The following SCUBE3 variants were observed in gnomAD, a reference collection of about 807,000 sequenced individuals.
SCUBE3 encodes the protein signal peptide, CUB and EGF-like domain-containing protein 3.
SCUBE3 carries 33 observed loss-of-function variants against 116.8 expected under a neutral mutation model. The ratio of observed to expected loss-of-function variants is 0.28; its 90% confidence interval spans 0.21 to 0.38. SCUBE3 has a LOEUF of 0.38. Among genes scored for constraint, SCUBE3 ranks in the 10% least tolerant of loss-of-function variants. SCUBE3 has a pLI of 1.00. For synonymous variants in SCUBE3, 418 were observed against 496.9 expected, an observed-to-expected ratio of 0.84 and a Z score of 2.11; for missense variants, 1,007 against 1,324.8, an observed-to-expected ratio of 0.76 and a Z score of 3.72.
rs946646696 is a variant in SCUBE3, at chr6:35,214,932, C to T, written c.85+429C>T. On this transcript the variant is annotated intron_variant, in intron 1 of 21. Coordinates refer to ENST00000274938, the MANE Select transcript of SCUBE3 (RefSeq NM_152753.4). This position sits in a 1 kb window ranked among gnomAD's most constrained non-coding sequence, Gnocchi z 6.3. ...CCGTGCCGTATATTTCTTTCCCTTACCCCCAACCCGCATGCAAAGTTAGAC... is the reference window on the plus strand; with the variant it reads ...CCGTGCCGTATATTTCTTTCCCTTATCCCCAACCCGCATGCAAAGTTAGAC... Among the ~76,000 whole-genome samples the T allele has an allele frequency of 1.2e-4, 19 of 152,190 alleles. No homozygotes were observed. The highest frequency in any genetic ancestry group is 7.3e-5 in the Non-Finnish European group (5 of 68,044).
rs377686036 is a variant in SCUBE3 at position 35,243,172 on chromosome 6, C to T, written c.1845C>T (p.Ala615=). 93 of 1,614,204 alleles carry T rather than the reference C, an allele frequency of 5.8e-5. 1 individual carries two copies. The highest frequency in any genetic ancestry group is 1.1e-4 in the East Asian group (5 of 44,878). The part of the protein sequence containing the change: ...YELAHKPGLV[A]GERAEPMESC... ...TGGCCCACAAGCCGGGCCTGGTAGC[C>T]GGGGAGCGAGCAGAGCCGATGGAGT... The change falls in exon 15 of 22, where the codon GCC becomes GCT. Residue 615 remains alanine, a synonymous_variant. Coordinates refer to ENST00000274938, the MANE Select transcript of SCUBE3 (RefSeq NM_152753.4). This position sits in a 1 kb window ranked among gnomAD's most constrained non-coding sequence, Gnocchi z 6.6.
chr6:35,248,621 A>G lies in SCUBE3; in HGVS notation c.2898A>G (p.Thr966=), dbSNP rs780650686. 6.2e-7 allele frequency: 1 copy of G among 1,614,036 alleles called. No homozygotes were observed. Among genetic ancestry groups the G allele is most frequent in the Non-Finnish European group, 8.5e-7 (1 of 1,179,950 alleles). ...LAHPQNYFKY[T]EKHKEMLPKS... ...ACCCCCAGAACTACTTCAAGTACAC[A>G]GAGAAACACAAGGAGATGCTGCCAA... is the stretch of plus-strand genomic sequence containing the variant. Residue 966 remains threonine (T), a synonymous_variant, in exon 22 of 22, where the codon ACA becomes ACG. Coordinates refer to ENST00000274938, the MANE Select transcript of SCUBE3 (RefSeq NM_152753.4).
rs1421010409 is a variant in SCUBE3 at position 35,231,712 on chromosome 6, C to G, written c.335-13C>G. 13 of 1,595,894 alleles carry G rather than the reference C, an allele frequency of 8.1e-6. No individual in the cohort carries two copies. Among genetic ancestry groups the G allele is most frequent in the Non-Finnish European group, 1.1e-5 (13 of 1,166,006 alleles). On this transcript the variant is annotated splice_polypyrimidine_tract_variant and intron_variant, in intron 3 of 21. Transcript: ENST00000274938. This position sits in a 1 kb window ranked among gnomAD's most constrained non-coding sequence, Gnocchi z 4.2. ...TGTACCCCATGACCCCACTGACTAC[C>G]TATCCTGCACAGATGTGGACGAGTG...
In SCUBE3 at chr6:35,241,457, A is replaced by G. The variant is rs1784044188; in HGVS notation, c.1196-86A>G. ...CATCAGTCTCCATGGGTACAACAAT[A>G]GTTATGCAAGTAGCTGATTCCTCCA... On this transcript the variant is annotated intron_variant, in intron 10 of 21. Transcript: ENST00000274938. This position sits in a 1 kb window ranked among gnomAD's most constrained non-coding sequence, Gnocchi z 4.1. 1 of 1,136,832 alleles carries G rather than the reference A, an allele frequency of 8.8e-7. No homozygotes were observed. Among genetic ancestry groups the G allele is most frequent in the Non-Finnish European group, 1.3e-6 (1 of 748,992 alleles). The allele number at this position is 1,136,832 out of a possible 1,614,324, so 70.4% of individuals were successfully genotyped here. A position where few individuals can be genotyped will look rare whatever the true frequency, so the allele number is the denominator to read the frequency against.
Position 35,226,085 on chromosome 6 carries a change from C to T in SCUBE3, c.86-1495C>T, listed in dbSNP as rs923930440. On this transcript the variant is annotated intron_variant, in intron 1 of 21. Transcript: ENST00000274938. ...AATCTCTTTCTCCTCTGATCTGCCC[C>T]GTAACACAGGTTCTCAACCTTGACT... Among the ~76,000 whole-genome samples the T allele has an allele frequency of 1.3e-4, 20 of 152,128 alleles. No homozygotes were observed. The East Asian group carries it at 3.7e-3, about 28-fold the overall frequency.
Position 35,244,148 on chromosome 6 carries a change from C to T in SCUBE3, c.2239+18C>T. Reference sequence around the variant, plus strand: ...CACCAAAGGTGAGTAAGCTACTCACCTCCCTGGGGGATGCCCCAACCCCAA... The same window carrying T: ...CACCAAAGGTGAGTAAGCTACTCACTTCCCTGGGGGATGCCCCAACCCCAA... On this transcript the variant is annotated intron_variant, in intron 17 of 21. Coordinates refer to ENST00000274938, the MANE Select transcript of SCUBE3 (RefSeq NM_152753.4). This position sits in a 1 kb window ranked among gnomAD's most constrained non-coding sequence, Gnocchi z 4.3. 1 of 1,606,690 alleles carries T rather than the reference C, an allele frequency of 6.2e-7. No individual in the cohort carries two copies. Among genetic ancestry groups the T allele is most frequent in the Non-Finnish European group, 8.5e-7 (1 of 1,175,402 alleles).
chr6:35,231,714 A>C lies in SCUBE3; in HGVS notation c.335-11A>C. On this transcript the variant is annotated splice_polypyrimidine_tract_variant and intron_variant, in intron 3 of 21. Transcript: ENST00000274938. This position sits in a 1 kb window ranked among gnomAD's most constrained non-coding sequence, Gnocchi z 4.2. ...TACCCCATGACCCCACTGACTACCT[A>C]TCCTGCACAGATGTGGACGAGTGTG... The C allele has an allele frequency of 6.2e-7, 1 of 1,606,350 alleles. No homozygotes were observed. The highest frequency in any genetic ancestry group is 1.3e-5 in the African/African-American group (1 of 74,874).
At chr6:35,237,422 C>T (rs1046934179) in intron 6 of SCUBE3, among the ~76,000 whole-genome samples, 27 of 152,148 alleles carry the variant, frequency 1.8e-4, no homozygotes, top group Non-Finnish European at 2.2e-4. Context: ...AGGAATGGCC[C>T]GGCTCATTCT....
chr6:35,230,568 G>A (rs1039977947), intron 3 of SCUBE3, among the ~76,000 whole-genome samples: 9 of 152,184 alleles, frequency 5.9e-5, no homozygotes, highest in African/African-American at 1.9e-4. Context: ...GCAGACAGAA[G>A]GATGGCATGT....
intron 6 of SCUBE3, among the ~76,000 whole-genome samples, chr6:35,236,053 T>A (rs1355737468): frequency 6.6e-6 from 1 of 152,214 alleles, no homozygotes; most frequent in Non-Finnish European, 1.5e-5. Flanking sequence ...CTGTATGACC[T>A]TAGGCAAGCT....
chr6:35,240,916 G>A lies in SCUBE3; in HGVS notation c.1070-225G>A, dbSNP rs1244374144. ...AATGCCTTTTTAACTTTTTTAAATTGTAAGAATATTTAACAAGAGATCTAC... is the reference window on the plus strand; with the variant it reads ...AATGCCTTTTTAACTTTTTTAAATTATAAGAATATTTAACAAGAGATCTAC... On this transcript the variant is annotated intron_variant, in intron 9 of 21. Transcript: ENST00000274938. This position sits in a 1 kb window ranked among gnomAD's most constrained non-coding sequence, Gnocchi z 4.6. 6.7e-6 allele frequency among the ~76,000 whole-genome samples: 1 copy of A among 149,968 alleles called. No homozygotes were observed. The highest frequency in any genetic ancestry group is 2.0e-4 in the East Asian group (1 of 5,052).
chr6:35,216,384 C>T (rs1300928645), intron 1 of SCUBE3, among the ~76,000 whole-genome samples: 5 of 152,222 alleles, frequency 3.3e-5, no homozygotes, highest in African/African-American at 1.2e-4. Context: ...CACAGGCCAC[C>T]CTTCCTGTGA....
Position 35,241,463 on chromosome 6 carries a change from G to A in SCUBE3, c.1196-80G>A, listed in dbSNP as rs1784044971. ...TCTCCATGGGTACAACAATAGTTAT[G>A]CAAGTAGCTGATTCCTCCAAATTAC... On this transcript the variant is annotated intron_variant, in intron 10 of 21. Transcript: ENST00000274938. The surrounding 1 kb of genome is among the most constrained non-coding windows in gnomAD (Gnocchi z 4.1). The A allele has an allele frequency of 8.7e-7, 1 of 1,155,816 alleles. No individual in the cohort carries two copies. The highest frequency in any genetic ancestry group is 1.7e-5 in the Admixed American group (1 of 58,890). 71.6% of individuals were successfully genotyped at this position (1,155,816 alleles called of 1,614,324 possible).
At chr6:35,222,561 T>C (rs1353811433) in intron 1 of SCUBE3, 1 of 152,274 alleles carries the variant, frequency 6.6e-6, no homozygotes, top group African/African-American at 2.4e-5. Flanking sequence ...TTGGCTTGTC[T>C]ATGGTATCTG....
intron 12 of SCUBE3, 131 bp from the exon 13 acceptor site, chr6:35,242,073 C>A: frequency 1.2e-6 from 1 of 846,184 alleles, no homozygotes; most frequent in Non-Finnish European, 2.0e-6. Context: ...AACATCTGAT[C>A]CCCTTGACTT....
chr6:35,217,641 C>G (rs1306269336), intron 1 of SCUBE3, among the ~76,000 whole-genome samples: 1 of 151,980 alleles, frequency 6.6e-6, no homozygotes, highest in Non-Finnish European at 1.5e-5. Context: ...GCTCCTGTGG[C>G]CAGCTCTTAC....
At chr6:35,246,872 A>G (rs2150317023) in intron 21 of SCUBE3, among the ~76,000 whole-genome samples, 1 of 151,998 alleles carries the variant, frequency 6.6e-6, no homozygotes, top group East Asian at 1.9e-4. Flanking sequence ...CCAGCTACTC[A>G]GGAGGCTGAG....
In SCUBE3 at chr6:35,231,702, C is replaced by T; in HGVS notation, c.335-23C>T. The stretch of plus-strand genomic sequence containing the variant: ...GGACCCTGCCTGTACCCCATGACCC[C>T]ACTGACTACCTATCCTGCACAGATG... On this transcript the variant is annotated intron_variant, in intron 3 of 21. Transcript: ENST00000274938. This position sits in a 1 kb window ranked among gnomAD's most constrained non-coding sequence, Gnocchi z 4.2. 1 of 1,588,508 alleles carries T rather than the reference C, an allele frequency of 6.3e-7. No individual in the cohort carries two copies. The highest frequency in any genetic ancestry group is 8.6e-7 in the Non-Finnish European group (1 of 1,160,426).
Position 35,241,031 on chromosome 6 carries a change from G to A in SCUBE3, c.1070-110G>A, listed in dbSNP as rs542180841. ...GATCTCTCGAACTTATTCATCTTGC[G>A]TAATGCAGGGTACCTGAAACTCTAA... is the stretch of plus-strand genomic sequence containing the variant. On this transcript the variant is annotated intron_variant, in intron 9 of 21. Transcript: ENST00000274938. The surrounding 1 kb of genome is among the most constrained non-coding windows in gnomAD (Gnocchi z 4.1). 70 of 1,021,004 alleles carry A rather than the reference G, an allele frequency of 6.9e-5. No individual in the cohort carries two copies. The highest frequency in any genetic ancestry group is 4.0e-4 in the African/African-American group (25 of 62,860). 63.2% of individuals were successfully genotyped at this position (1,021,004 alleles called of 1,614,324 possible). A position where few individuals can be genotyped will look rare whatever the true frequency, so the allele number is the denominator to read the frequency against.
Sources: gnomAD v4.1 joint callset for allele counts (sites outside exome capture counted in the v4.1 genomes callset) on GRCh38, gnomAD v4.1.1 for gene constraint, Gnocchi (gnomAD v3.1) non-coding constraint, MANE v1.5 for transcripts, NCBI Gene and HGNC (gene_info 2026-07-23, HGNC 2026-07-21) for gene names.